Variants in TNFSF9 observed in about 807,000 individuals in gnomAD.
TNFSF9 encodes TNF superfamily member 9.
A neutral mutation model predicts 10.3 loss-of-function variants in TNFSF9; 10 were observed. The observed-to-expected ratio is 0.97, with a 90% confidence interval of 0.60 to 1.65. TNFSF9 has a LOEUF of 1.65. TNFSF9 is among the 40% of genes most tolerant of loss of function. The probability of loss-of-function intolerance (pLI) is 0.00; values close to 1 mark genes in which losing one functional copy is unlikely to be tolerated. For missense variants in TNFSF9, 361 were observed against 348.9 expected (o/e 1.03, Z -0.28); for synonymous variants, 195 against 176.1 (o/e 1.11, Z -0.85).
At chr19:6,532,312 G>C (rs1215522874) in intron 1 of TNFSF9, among the ~76,000 whole-genome samples, 105 of 127,456 alleles carry the variant, frequency 8.2e-4, no homozygotes, top group African/African-American at 3.3e-3. Context: ...TGTTTGTGTG[G>C]GTGTTTGTGT....
rs10712707 is a variant in TNFSF9, at chr19:6,535,360, T to TGG, written c.*306_*307dup. The TGG allele has an allele frequency of 1.6e-5, 2 of 122,790 alleles. No individual in the cohort carries two copies. Among genetic ancestry groups the TGG allele is most frequent in the African/African-American group, 6.2e-5 (2 of 32,074 alleles). The allele number at this position is 122,790 out of a possible 1,614,324, so 7.6% of individuals were successfully genotyped here. On this transcript the variant is annotated 3_prime_UTR_variant, in exon 3 of 3. Coordinates refer to ENST00000245817, the MANE Select transcript of TNFSF9 (RefSeq NM_003811.4). ...ATGGACTTTTTTAGAGGAGTTGTTT[T>TGG]GGGGGGGGGGGGGTCTTCGACATTG...
In TNFSF9 at chr19:6,532,833, AC is replaced by A; in HGVS notation, c.298+18del. 6.2e-7 allele frequency: 1 copy of A among 1,613,586 alleles called. No individual in the cohort carries two copies. Among genetic ancestry groups the A allele is most frequent in the South Asian group, 1.1e-5 (1 of 91,060 alleles). On this transcript the variant is annotated intron_variant, in intron 2 of 2. Transcript: ENST00000245817. Reference sequence around the variant, plus strand: ...CCCAAAATGGTAAGTATCCTCCGCCACTTCCGGTCCCTGGCCCCCCACCATC... The same window carrying A: ...CCCAAAATGGTAAGTATCCTCCGCCATTCCGGTCCCTGGCCCCCCACCATC...
At chr19:6,534,526 T>G (rs757408883) in intron 2 of TNFSF9, 74 bp from the exon 3 acceptor site, 7 of 1,205,384 alleles carry the variant, frequency 5.8e-6, no homozygotes, top group African/African-American at 1.6e-5. Context: ...TGCGCTGACA[T>G]GTTCGGTGCT....
Position 6,531,042 on chromosome 19 carries a change from A to G in TNFSF9, c.6A>G (p.Glu2=). M[E]YASDASLDPE... ...TCTTCCCGCAGTCTCTCGTCATGGA[A>G]TACGCCTCTGACGCTTCACTGGACC... is the stretch of plus-strand genomic sequence containing the variant. The change falls in exon 1 of 3, where the codon GAA becomes GAG. Residue 2 remains glutamate, a synonymous_variant. Transcript: ENST00000245817. The G allele has an allele frequency of 6.2e-7, 1 of 1,609,300 alleles. No homozygotes were observed. The highest frequency in any genetic ancestry group is 8.5e-7 in the Non-Finnish European group (1 of 1,178,254).
Position 6,534,755 on chromosome 19 carries a change from G to C in TNFSF9, c.454G>C (p.Val152Leu), listed in dbSNP as rs765952687. 2.5e-6 allele frequency: 4 copies of C among 1,599,100 alleles called. No individual in the cohort carries two copies. Among genetic ancestry groups the C allele is most frequent in the Non-Finnish European group, 3.4e-6 (4 of 1,173,500 alleles). ...YVFFQLELRRVVAGEGSGSVS... is the reference protein window; with the variant it reads ...YVFFQLELRRLVAGEGSGSVS... ...CTTCTTTCAACTAGAGCTGCGGCGC[G>C]TGGTGGCCGGCGAGGGCTCAGGCTC... is the stretch of plus-strand genomic sequence containing the variant. Residue 152 changes from valine (V) to leucine (L), a missense_variant, in exon 3 of 3, where the codon GTG (valine) becomes CTG (leucine). Coordinates refer to ENST00000245817, the MANE Select transcript of TNFSF9 (RefSeq NM_003811.4).
At chr19:6,533,024 C>G (rs1246346998) in intron 2 of TNFSF9, among the ~76,000 whole-genome samples, 1 of 152,008 alleles carries the variant, frequency 6.6e-6, no homozygotes, top group African/African-American at 2.4e-5. Context: ...CCATGGCCTC[C>G]CCATCAGACC....
intron 1 of TNFSF9, among the ~76,000 whole-genome samples, chr19:6,531,588 CG>C (rs982678146): frequency 6.6e-6 from 1 of 151,716 alleles, no homozygotes; most frequent in African/African-American, 2.4e-5. Context: ...TCTTCTAGTC[CG>C]GGGGGCACCC....
At chr19:6,533,913 TTCGAAG>T (rs1915207223) in intron 2 of TNFSF9, among the ~76,000 whole-genome samples, 1 of 60,792 alleles carries the variant, frequency 1.6e-5, no homozygotes, top group Non-Finnish European at 3.4e-5. Context: ...TTTGCCTTTC[TTCGAAG>T]TCCTCTCTTA....
At position 6,531,093 on chromosome 19, in the gene TNFSF9, C is replaced by G. The variant is rs1196689153; in HGVS notation, c.57C>G (p.Pro19=). The change falls in exon 1 of 3, where the codon CCC becomes CCG. Residue 19 remains proline (P), a synonymous_variant. Coordinates refer to ENST00000245817, the MANE Select transcript of TNFSF9 (RefSeq NM_003811.4). ...CCGAAGCCCCGTGGCCTCCCGCGCC[C>G]CGCGCTCGCGCCTGCCGCGTACTGC... The part of the protein sequence containing the change: ...LDPEAPWPPA[P]RARACRVLPW... The G allele has an allele frequency of 6.2e-7, 1 of 1,610,834 alleles. No individual in the cohort carries two copies. Among genetic ancestry groups the G allele is most frequent in the Non-Finnish European group, 8.5e-7 (1 of 1,179,018 alleles).
Position 6,531,165 on chromosome 19 carries a change from C to G in TNFSF9, c.129C>G (p.Ala43=), listed in dbSNP as rs746903006. The G allele has an allele frequency of 1.3e-6, 2 of 1,595,158 alleles. No homozygotes were observed. The highest frequency in any genetic ancestry group is 1.1e-5 in the South Asian group (1 of 89,882). ...TGCTGCTGCTGCTGCTGCTCGCTGC[C>G]GCCTGCGCCGTCTTCCTCGCCTGCC... is the stretch of plus-strand genomic sequence containing the variant. ...AGLLLLLLLA[A]ACAVFLACPW... is the part of the protein sequence containing the mutation. Residue 43 remains alanine, a synonymous_variant, in exon 1 of 3, where the codon GCC becomes GCG. Transcript: ENST00000245817.
rs1280110053 is a variant in TNFSF9, at chr19:6,535,155, T to A, written c.*89T>A. 1 of 1,367,878 alleles carries A rather than the reference T, an allele frequency of 7.3e-7. No individual in the cohort carries two copies. The highest frequency in any genetic ancestry group is 9.6e-7 in the Non-Finnish European group (1 of 1,040,406). The allele number at this position is 1,367,878 out of a possible 1,614,324, so 84.7% of individuals were successfully genotyped here. ...CCCTGGTGCTGGGTCCCTGCTGCTT[T>A]CTCTACCTCAAGGGGCTTGGCAGGG... On this transcript the variant is annotated 3_prime_UTR_variant, in exon 3 of 3. Transcript: ENST00000245817.
Position 6,535,243 on chromosome 19 carries a change from T to C in TNFSF9, c.*177T>C. 1 of 478,076 alleles carries C rather than the reference T, an allele frequency of 2.1e-6. No individual in the cohort carries two copies. The highest frequency in any genetic ancestry group is 5.3e-4 in the Middle Eastern group (1 of 1,886). The allele number at this position is 478,076 out of a possible 1,614,324, so 29.6% of individuals were successfully genotyped here. ...CCCACTCCTTCCCCAAGTTGGACCT[T>C]GATATTTATTCTGAGCCTGAGCTCA... On this transcript the variant is annotated 3_prime_UTR_variant, in exon 3 of 3. Transcript: ENST00000245817.
rs762538008 is a variant in TNFSF9 at position 6,531,104 on chromosome 19, C to A, written c.68C>A (p.Ala23Asp). The change falls in exon 1 of 3, where the codon GCC (alanine) becomes GAC (aspartate). Residue 23 changes from alanine (A) to aspartate (D), a missense_variant. Coordinates refer to ENST00000245817, the MANE Select transcript of TNFSF9 (RefSeq NM_003811.4). ...TGGCCTCCCGCGCCCCGCGCTCGCGCCTGCCGCGTACTGCCTTGGGCCCTG... is the reference window on the plus strand; with the variant it reads ...TGGCCTCCCGCGCCCCGCGCTCGCGACTGCCGCGTACTGCCTTGGGCCCTG... ...APWPPAPRARACRVLPWALVA... is the reference protein window; with the variant it reads ...APWPPAPRARDCRVLPWALVA... 6.2e-7 allele frequency: 1 copy of A among 1,610,668 alleles called. No homozygotes were observed. The highest frequency in any genetic ancestry group is 1.3e-5 in the African/African-American group (1 of 74,702).
In TNFSF9 at chr19:6,535,413, T is replaced by C. The variant is rs2145288903; in HGVS notation, c.*347T>C. 1 of 150,344 alleles carries C rather than the reference T, an allele frequency of 6.7e-6. No individual in the cohort carries two copies. The highest frequency in any genetic ancestry group is 2.0e-4 in the East Asian group (1 of 5,090). The allele number at this position is 150,344 out of a possible 1,614,324, so 9.3% of individuals were successfully genotyped here. On this transcript the variant is annotated 3_prime_UTR_variant, in exon 3 of 3. Coordinates refer to ENST00000245817, the MANE Select transcript of TNFSF9 (RefSeq NM_003811.4). ...GAGGCTGGTCTTGAACTCCTGGACT[T>C]AGACGATCCTCCTGCCTCAGCCTCC... is the stretch of plus-strand genomic sequence containing the variant.
At position 6,534,886 on chromosome 19, in the gene TNFSF9, G is replaced by A. The variant is rs1387686070; in HGVS notation, c.585G>A (p.Ser195=). The A allele has an allele frequency of 3.7e-6, 6 of 1,607,516 alleles. No homozygotes were observed. Among genetic ancestry groups the A allele is most frequent in the South Asian group, 3.3e-5 (3 of 90,804 alleles). The part of the protein sequence containing the change: ...LPPASSEARN[S]AFGFQGRLLH... The stretch of plus-strand genomic sequence containing the variant: ...CCGCCTCCTCCGAGGCTCGGAACTC[G>A]GCCTTCGGTTTCCAGGGCCGCTTGC... Residue 195 remains serine (S), a synonymous_variant, in exon 3 of 3, where the codon TCG becomes TCA. Transcript: ENST00000245817.
Position 6,534,885 on chromosome 19 carries a change from C to T in TNFSF9, c.584C>T (p.Ser195Leu), listed in dbSNP as rs538400155. The change falls in exon 3 of 3, where the codon TCG becomes TTG. Residue 195 changes from serine to leucine, a missense_variant. Ser to Leu is a moderately radical substitution (Grantham distance 145). Transcript: ENST00000245817. ...CCCGCCTCCTCCGAGGCTCGGAACT[C>T]GGCCTTCGGTTTCCAGGGCCGCTTG... ...LPPASSEARN[S>L]AFGFQGRLLH... The T allele has an allele frequency of 1.1e-5, 18 of 1,607,592 alleles. No individual in the cohort carries two copies. The highest frequency in any genetic ancestry group is 4.5e-5 in the East Asian group (2 of 44,828).
intron 1 of TNFSF9, 43 bp downstream of exon 1, chr19:6,531,346 C>T: frequency 1.4e-6 from 2 of 1,413,022 alleles, no homozygotes; most frequent in East Asian, 2.9e-5. Context: ...TCGCGGGAGA[C>T]CCCTACCGCC....
chr19:6,534,871 C>T lies in TNFSF9; in HGVS notation c.570C>T (p.Ser190=), dbSNP rs754327349. ...ALTVDLPPAS[S]EARNSAFGFQ... ...CCGTGGACCTGCCACCCGCCTCCTCCGAGGCTCGGAACTCGGCCTTCGGTT... is the reference window on the plus strand; with the variant it reads ...CCGTGGACCTGCCACCCGCCTCCTCTGAGGCTCGGAACTCGGCCTTCGGTT... Residue 190 remains serine (S), a synonymous_variant, in exon 3 of 3, where the codon TCC becomes TCT. Coordinates refer to ENST00000245817, the MANE Select transcript of TNFSF9 (RefSeq NM_003811.4). 1.4e-5 allele frequency: 23 copies of T among 1,607,318 alleles called. No individual in the cohort carries two copies. The highest frequency in any genetic ancestry group is 3.3e-5 in the South Asian group (3 of 90,704).
At position 6,531,280 on chromosome 19, in the gene TNFSF9, G is replaced by A. The variant is rs1915140871; in HGVS notation, c.244G>A (p.Ala82Thr). Residue 82 changes from alanine to threonine, a missense_variant, in exon 1 of 3, where the codon GCC (alanine) becomes ACC (threonine). Ala to Thr is a moderately conservative substitution (Grantham distance 58). Coordinates refer to ENST00000245817, the MANE Select transcript of TNFSF9 (RefSeq NM_003811.4). The part of the protein sequence containing the change: ...EGPELSPDDP[A>T]GLLDLRQGMF... ...TCCCGAGCTTTCGCCCGACGATCCCGCCGGCCTCTTGGACCTGCGGCAGGT... is the reference window on the plus strand; with the variant it reads ...TCCCGAGCTTTCGCCCGACGATCCCACCGGCCTCTTGGACCTGCGGCAGGT... 1 of 1,505,406 alleles carries A rather than the reference G, an allele frequency of 6.6e-7. No individual in the cohort carries two copies. The highest frequency in any genetic ancestry group is 8.8e-7 in the Non-Finnish European group (1 of 1,135,574). 93.3% of individuals were successfully genotyped at this position (1,505,406 alleles called of 1,614,324 possible). A position where few individuals can be genotyped will look rare whatever the true frequency, so the allele number is the denominator to read the frequency against.
Sources: gnomAD v4.1 joint callset for allele counts (sites outside exome capture counted in the v4.1 genomes callset) on GRCh38, gnomAD v4.1.1 for gene constraint, MANE v1.5 for transcripts, NCBI Gene and HGNC (gene_info 2026-07-23, HGNC 2026-07-21) for gene names.